Variants in PCDH15 observed in about 807,000 individuals in gnomAD.
The protein encoded by PCDH15 is protocadherin-15.
Under a neutral mutation model 178.5 loss-of-function variants are expected in PCDH15, and 129 were observed. That is an observed-to-expected ratio of 0.72 (90% confidence interval 0.63 to 0.84). PCDH15 has a LOEUF of 0.84. Among genes scored for constraint, PCDH15 ranks in the 40% least tolerant of loss-of-function variants. The pLI, the probability that PCDH15 is intolerant of heterozygous loss-of-function variation, is 0.00. For missense variants in PCDH15, 2,230 were observed against 2,099.9 expected (o/e 1.06, Z -1.21); for synonymous variants, 800 against 732.0 (o/e 1.09, Z -1.50).
At chr10:55,563,118 G>A (rs1295220296) in intron 2 of PCDH15, among the ~76,000 whole-genome samples, 3 of 151,824 alleles carry the variant, frequency 2.0e-5, no homozygotes, top group African/African-American at 4.8e-5. Flanking sequence ...CACATCCTTC[G>A]GTTATCAAGG....
At chr10:54,567,926 G>C (rs976030589) in intron 2 of PCDH15, among the ~76,000 whole-genome samples, 3 of 152,072 alleles carry the variant, frequency 2.0e-5, no homozygotes. Context: ...TCCAGCATCT[G>C]CTGAAACTAC....
chr10:54,068,855 TTTC>T (rs1452259947), intron 17 of PCDH15, among the ~76,000 whole-genome samples: 3 of 151,500 alleles, frequency 2.0e-5, no homozygotes, highest in African/African-American at 7.4e-5. Context: ...TGTGTTATAT[TTTC>T]TTAAGATTAT....
chr10:54,952,973 T>C (rs185702954), intron 2 of PCDH15, among the ~76,000 whole-genome samples: 122 of 151,782 alleles, frequency 8.0e-4, no homozygotes, highest in Non-Finnish European at 1.4e-3. Flanking sequence ...TCCCAATCTG[T>C]ATTTTTAAAA....
intron 23 of PCDH15, among the ~76,000 whole-genome samples, chr10:53,944,497 A>G (rs934360843): frequency 6.6e-6 from 1 of 152,208 alleles, no homozygotes; most frequent in East Asian, 1.9e-4. Flanking sequence ...TTAAATTCAT[A>G]AATCTTCAAT....
At chr10:54,581,199 G>A (rs1423715550) in intron 2 of PCDH15, among the ~76,000 whole-genome samples, 1 of 152,046 alleles carries the variant, frequency 6.6e-6, no homozygotes, top group Admixed American at 6.6e-5. Flanking sequence ...AAACCTCAAA[G>A]ACTCTGCTGA....
intron 1 of PCDH15, among the ~76,000 whole-genome samples, chr10:54,776,625 T>C (rs568401486): frequency 2.6e-5 from 4 of 152,166 alleles, no homozygotes; most frequent in South Asian, 2.1e-4. Context: ...TAAGATACCA[T>C]GGAAAGCTTG....
chr10:54,056,133 T>C (rs2093881086), intron 18 of PCDH15, among the ~76,000 whole-genome samples: 1 of 152,158 alleles, frequency 6.6e-6, no homozygotes, highest in Admixed American at 6.5e-5. Context: ...ATATAATATA[T>C]GTACATATTT....
chr10:54,257,210 C>T (rs1039904911), intron 8 of PCDH15, among the ~76,000 whole-genome samples: 1 of 152,014 alleles, frequency 6.6e-6, no homozygotes, highest in East Asian at 1.9e-4. Context: ...ATATATGATA[C>T]AACTAACAAT....
chr10:55,350,801 G>A (rs947190711), intron 2 of PCDH15, among the ~76,000 whole-genome samples: 2 of 151,782 alleles, frequency 1.3e-5, no homozygotes, highest in African/African-American at 4.8e-5. Flanking sequence ...TTCTTTTCTT[G>A]TTTTTTTACA....
intron 1 of PCDH15, among the ~76,000 whole-genome samples, chr10:55,176,836 T>A (rs1839503970): frequency 6.6e-6 from 1 of 152,162 alleles, no homozygotes; most frequent in Admixed American, 6.6e-5. Flanking sequence ...CATTCGAGGA[T>A]CCTTGCAACC....
intron 3 of PCDH15, among the ~76,000 whole-genome samples, chr10:54,427,968 TAACAA>T (rs1956498527): frequency 6.6e-6 from 1 of 152,098 alleles, no homozygotes; most frequent in Non-Finnish European, 1.5e-5. Flanking sequence ...AACAAAGTCA[TAACAA>T]AACAACAAAA....
intron 2 of PCDH15, among the ~76,000 whole-genome samples, chr10:55,159,057 G>A (rs1029535540): frequency 6.6e-6 from 1 of 151,968 alleles, no homozygotes; most frequent in Non-Finnish European, 1.5e-5. Context: ...ATGAAAGGGA[G>A]GCTGATGTCC....
chr10:55,408,009 T>C (rs148817239), intron 2 of PCDH15, among the ~76,000 whole-genome samples: 1,826 of 152,156 alleles, frequency 0.012, 46 homozygotes, highest in African/African-American at 0.042. Flanking sequence ...GCACCAAAAA[T>C]GTGCTCTCCA....
chr10:53,885,394 C>T (rs2081020801), intron 26 of PCDH15, among the ~76,000 whole-genome samples: 1 of 146,898 alleles, frequency 6.8e-6, no homozygotes, highest in South Asian at 2.1e-4. Flanking sequence ...CTTCAATATG[C>T]CTTTTAAAAA....
chr10:55,561,870 T>C (rs1317580574), intron 2 of PCDH15, among the ~76,000 whole-genome samples: 1 of 151,910 alleles, frequency 6.6e-6, no homozygotes, highest in African/African-American at 2.4e-5. Flanking sequence ...GTCATAACAT[T>C]TGCTAGTAAT....
At chr10:54,632,754 G>A (rs1322820869) in intron 2 of PCDH15, among the ~76,000 whole-genome samples, 1 of 152,054 alleles carries the variant, frequency 6.6e-6, no homozygotes, top group East Asian at 1.9e-4. Flanking sequence ...ATCAAAAGGT[G>A]AACACACAGA....
At chr10:55,253,873 A>G (rs1226610928) in intron 1 of PCDH15, among the ~76,000 whole-genome samples, 1 of 152,220 alleles carries the variant, frequency 6.6e-6, no homozygotes, top group Non-Finnish European at 1.5e-5. Flanking sequence ...ACTGCAAAGT[A>G]GTCAACCGTG....
At chr10:54,491,309 AAAAAAAAAAAGAAAGAAAAGTT>A (rs2079566123) in intron 3 of PCDH15, among the ~76,000 whole-genome samples, 1 of 29,190 alleles carries the variant, frequency 3.4e-5, no homozygotes. Context: ...ATGATGTCTC[AAAAAAAAAAAGAAAGAAAAGTT>A]AAAAAAAAAA....
intron 2 of PCDH15, among the ~76,000 whole-genome samples, chr10:55,585,674 T>C (rs1375811329): frequency 6.6e-6 from 1 of 152,048 alleles, no homozygotes; most frequent in Non-Finnish European, 1.5e-5. Flanking sequence ...AAACTCCATA[T>C]CAAGTAGGTA....
Sources: gnomAD v4.1 joint callset for allele counts (sites outside exome capture counted in the v4.1 genomes callset) on GRCh38, gnomAD v4.1.1 for gene constraint, MANE v1.5 for transcripts, NCBI Gene and HGNC (gene_info 2026-07-23, HGNC 2026-07-21) for gene names.